The following MEGF11 variants were observed in gnomAD, a reference collection of about 807,000 sequenced individuals.
MEGF11 encodes multiple EGF like domains 11, also known as multiple epidermal growth factor-like domains protein 11.
A neutral mutation model predicts 146.6 loss-of-function variants in MEGF11; 126 were observed. That is an observed-to-expected ratio of 0.86 (90% CI 0.74 to 1.00). The LOEUF is 1.00. MEGF11 is among the 50% of genes least tolerant of loss of function. The probability of loss-of-function intolerance (pLI) is 0.00; values close to 1 mark genes in which losing one functional copy is unlikely to be tolerated. For synonymous variants in MEGF11, 532 were observed against 583.4 expected, an observed-to-expected ratio of 0.91 and a Z score of 1.27; for missense variants, 1,509 against 1,521.2, an observed-to-expected ratio of 0.99 and a Z score of 0.13.
At chr15:66,006,682 T>C (rs1461347158) in intron 5 of MEGF11, among the ~76,000 whole-genome samples, 5 of 152,336 alleles carry the variant, frequency 3.3e-5, no homozygotes, top group African/African-American at 1.2e-4. Flanking sequence ...TTTGTTCCAG[T>C]CTATATCCCA....
At chr15:65,957,780 G>T (rs969658165) in intron 9 of MEGF11, 59 bp from the exon 10 acceptor site, 3 of 1,552,464 alleles carry the variant, frequency 1.9e-6, no homozygotes, top group East Asian at 4.5e-5. Context: ...CCATGTCCCC[G>T]CCCTCTGTCT....
chr15:66,141,265 TGTGTGTGTGTGTGTGTGTGTGTGTGA>T (rs2089140960), intron 1 of MEGF11, among the ~76,000 whole-genome samples: 1 of 142,126 alleles, frequency 7.0e-6, no homozygotes, highest in African/African-American at 2.6e-5. Context: ...TGTGTGTGTG[TGTGTGTGTGTGTGTGTGTGTGTGTGA>T]GAGAGAGAGA....
intron 1 of MEGF11, among the ~76,000 whole-genome samples, chr15:66,163,193 C>T (rs768117757): frequency 6.6e-6 from 1 of 152,136 alleles, no homozygotes. Context: ...CATCTGGGCT[C>T]GCTCCATCCT....
chr15:65,930,972 C>T, intron 10 of MEGF11, 29 bp from the exon 11 acceptor site: 1 of 1,544,758 alleles, frequency 6.5e-7, no homozygotes, highest in Non-Finnish European at 8.8e-7. Flanking sequence ...AATTTTGGAT[C>T]AAAGGTTGCT....
At chr15:66,013,100 G>T (rs1362344701) in intron 5 of MEGF11, among the ~76,000 whole-genome samples, 1 of 152,252 alleles carries the variant, frequency 6.6e-6, no homozygotes, top group African/African-American at 2.4e-5. Context: ...TAGCTCATGA[G>T]TCATTGCCCA....
rs191105153 is a variant in MEGF11, at chr15:66,187,392, G to C, written c.-8-58981C>G. 1.2e-3 allele frequency among the ~76,000 whole-genome samples: 178 copies of C among 152,242 alleles called. 1 individual carries two copies. In the South Asian group the frequency reaches 0.012, roughly 10 times the overall value. ...AGGGGAGCCCAGCTCCCTGTCCACT[G>C]GGGCACCCACCTGCTCTCTGTGGCT... On this transcript the variant is annotated intron_variant, in intron 1 of 25. Coordinates refer to ENST00000395614, the MANE Select transcript of MEGF11 (RefSeq NM_001385028.1).
At chr15:66,049,446 T>C (rs1163588723) in intron 5 of MEGF11, among the ~76,000 whole-genome samples, 3 of 152,206 alleles carry the variant, frequency 2.0e-5, no homozygotes, top group Admixed American at 6.5e-5. Flanking sequence ...TCTGCCTGCC[T>C]TCACTGGGGG....
chr15:65,981,078 A>T (rs533606174), intron 6 of MEGF11, among the ~76,000 whole-genome samples, 180 bp from the exon 7 acceptor site: 1 of 152,320 alleles, frequency 6.6e-6, no homozygotes, highest in East Asian at 1.9e-4. Context: ...GACTGAATAC[A>T]TTGGAATGTA....
At chr15:66,133,093 C>T (rs1438094141) in intron 1 of MEGF11, among the ~76,000 whole-genome samples, 1 of 152,224 alleles carries the variant, frequency 6.6e-6, no homozygotes, top group African/African-American at 2.4e-5. Flanking sequence ...ATCCCAACAG[C>T]AGGTCACACT....
At chr15:66,094,188 A>T (rs1161984034) in intron 5 of MEGF11, among the ~76,000 whole-genome samples, 1 of 152,168 alleles carries the variant, frequency 6.6e-6, no homozygotes, top group African/African-American at 2.4e-5. Context: ...CATACAACAC[A>T]CAATGCCCTC....
At chr15:65,899,998 C>T (rs1191370900) in intron 24 of MEGF11, among the ~76,000 whole-genome samples, 1 of 152,120 alleles carries the variant, frequency 6.6e-6, no homozygotes, top group African/African-American at 2.4e-5. Context: ...CTTTCAGCCT[C>T]TGTACCATTC....
At chr15:66,209,501 G>C (rs1310582035) in intron 1 of MEGF11, among the ~76,000 whole-genome samples, 3 of 152,134 alleles carry the variant, frequency 2.0e-5, no homozygotes, top group African/African-American at 7.2e-5. Context: ...CCAAAAACTA[G>C]AAATAACCTG....
intron 5 of MEGF11, among the ~76,000 whole-genome samples, chr15:66,024,434 C>G (rs2083261384): frequency 6.6e-6 from 1 of 152,216 alleles, no homozygotes; most frequent in Non-Finnish European, 1.5e-5. Context: ...AATGACTTTC[C>G]CAAAGTCACA....
intron 4 of MEGF11, among the ~76,000 whole-genome samples, chr15:66,098,772 A>T (rs2086657695): frequency 6.6e-6 from 1 of 152,232 alleles, no homozygotes; most frequent in African/African-American, 2.4e-5. Flanking sequence ...CTGAGGTGAC[A>T]TGCTTAGCAT....
At chr15:65,998,465 T>C (rs2082264684) in intron 5 of MEGF11, among the ~76,000 whole-genome samples, 1 of 152,186 alleles carries the variant, frequency 6.6e-6, no homozygotes, top group Non-Finnish European at 1.5e-5. Context: ...CTGACAGCTG[T>C]ACACAAACCG....
chr15:66,029,404 C>T (rs1597008029), intron 5 of MEGF11, among the ~76,000 whole-genome samples: 4 of 152,326 alleles, frequency 2.6e-5, no homozygotes, highest in Non-Finnish European at 1.5e-5. Context: ...TTCCTGACCT[C>T]TAAGGCTTTG....
intron 1 of MEGF11, among the ~76,000 whole-genome samples, chr15:66,237,138 G>C (rs1311072392): frequency 6.6e-6 from 1 of 152,096 alleles, no homozygotes; most frequent in Non-Finnish European, 1.5e-5. Flanking sequence ...CCTCATCCAG[G>C]GACCACGTTA....
intron 10 of MEGF11, among the ~76,000 whole-genome samples, chr15:65,939,492 CTTTT>C (rs869271515): frequency 3.7e-5 from 5 of 135,004 alleles, no homozygotes. Context: ...CAGCTCCCAA[CTTTT>C]TTTTTTTTTT....
rs568768968 is a variant in MEGF11 at position 65,973,243 on chromosome 15, G to A, written c.763-2554C>T. On this transcript the variant is annotated intron_variant, in intron 7 of 25. Transcript: ENST00000395614. ...CAGTGAAAGGAAGCCCCAGATGACA[G>A]CTATGCTGCAGGCCTGGAGAGCAAA... is the stretch of plus-strand genomic sequence containing the variant. Among the ~76,000 whole-genome samples, 10 of 152,268 alleles carry A rather than the reference G, an allele frequency of 6.6e-5. No homozygotes were observed. The East Asian group carries it at 1.9e-3, about 29-fold the overall frequency.
Sources: gnomAD v4.1 joint callset for allele counts (sites outside exome capture counted in the v4.1 genomes callset) on GRCh38, gnomAD v4.1.1 for gene constraint, MANE v1.5 for transcripts, NCBI Gene and HGNC (gene_info 2026-07-23, HGNC 2026-07-21) for gene names.